SLC5A1: variants seen among roughly 807,000 people sequenced by gnomAD.
SLC5A1 encodes the protein solute carrier family 5 member 1.
Under a neutral mutation model 73.5 loss-of-function variants are expected in SLC5A1, and 42 were observed. The ratio of observed to expected loss-of-function variants is 0.57; its 90% CI spans 0.45 to 0.74. The LOEUF is 0.74. Ranked by LOEUF, SLC5A1 falls within the 30% of genes least tolerant of loss-of-function variation. The probability of loss-of-function intolerance (pLI) is 0.00; values close to 1 mark genes in which losing one functional copy is unlikely to be tolerated. For synonymous variants in SLC5A1, 300 were observed against 317.4 expected (o/e 0.95, Z 0.58); for missense variants, 634 against 855.4 (o/e 0.74, Z 3.23).
intron 2 of SLC5A1, chr22:32,059,381 T>C: frequency 1.0e-6 from 1 of 977,940 alleles, no homozygotes. Flanking sequence ...CTCTGGATGG[T>C]GTCAGTGGAG....
At chr22:32,049,185 AT>A (rs569799765) in intron 1 of SLC5A1, among the ~76,000 whole-genome samples, 2 of 29,228 alleles carry the variant, frequency 6.8e-5, no homozygotes, top group Non-Finnish European at 2.7e-4. Context: ...ATCTATATCT[AT>A]ATCTATATCT....
intron 2 of SLC5A1, among the ~76,000 whole-genome samples, chr22:32,065,134 G>A (rs2093970600): frequency 6.6e-6 from 1 of 151,908 alleles, no homozygotes; most frequent in African/African-American, 2.4e-5. Context: ...TTTTGTAGTG[G>A]CCGGGTCTCA....
At chr22:32,091,060 T>C (rs551588029) in intron 10 of SLC5A1, among the ~76,000 whole-genome samples, 54 of 152,266 alleles carry the variant, frequency 3.5e-4, no homozygotes, top group Non-Finnish European at 6.5e-4. Flanking sequence ...TCAGATCCTT[T>C]GGCATTTTAA....
rs1419916503 is a variant in SLC5A1, at chr22:32,043,449, G to A, written c.135+33G>A. Reference sequence around the variant, plus strand: ...GCGGGTTCTGGGATGCGGGTGGGGAGGGTGCGCACAGAGGAGGAGCAATGG... The same window carrying A: ...GCGGGTTCTGGGATGCGGGTGGGGAAGGTGCGCACAGAGGAGGAGCAATGG... On this transcript the variant is annotated intron_variant, in intron 1 of 14. Coordinates refer to ENST00000266088, the MANE Select transcript of SLC5A1 (RefSeq NM_000343.4). This position sits in a 1 kb window ranked among gnomAD's most constrained non-coding sequence, Gnocchi z 6.5. 2 of 1,611,760 alleles carry A rather than the reference G, an allele frequency of 1.2e-6. No homozygotes were observed. Among genetic ancestry groups the A allele is most frequent in the Non-Finnish European group, 8.5e-7 (1 of 1,178,852 alleles).
chr22:32,077,236 C>T (rs1160379220), intron 5 of SLC5A1, among the ~76,000 whole-genome samples: 8 of 145,546 alleles, frequency 5.5e-5, no homozygotes, highest in Non-Finnish European at 7.8e-5. Context: ...CCTTCCTTCC[C>T]TCCCTCCCTT....
At chr22:32,088,554 G>A (rs577970711) in intron 10 of SLC5A1, among the ~76,000 whole-genome samples, 2 of 152,108 alleles carry the variant, frequency 1.3e-5, no homozygotes, top group African/African-American at 4.8e-5. Context: ...GGCCACGCTG[G>A]TCTCAAACTC....
intron 2 of SLC5A1, among the ~76,000 whole-genome samples, chr22:32,052,114 C>T (rs2093945861): frequency 1.3e-5 from 2 of 152,140 alleles, no homozygotes; most frequent in South Asian, 4.1e-4. Flanking sequence ...GGGTTGCCCA[C>T]GTTTACACAA....
intron 5 of SLC5A1, among the ~76,000 whole-genome samples, chr22:32,077,992 C>T (rs891214587): frequency 6.6e-6 from 1 of 152,186 alleles, no homozygotes; most frequent in Non-Finnish European, 1.5e-5. Context: ...ATATTTTGGC[C>T]TTGCTCAAAT....
intron 2 of SLC5A1, among the ~76,000 whole-genome samples, chr22:32,060,273 C>T (rs1044500760): frequency 2.0e-5 from 3 of 151,926 alleles, no homozygotes; most frequent in Non-Finnish European, 4.4e-5. Flanking sequence ...CTCACTGCAA[C>T]CTCTGCCTCC....
At chr22:32,086,154 G>C in intron 9 of SLC5A1, 66 bp from the exon 10 acceptor site, 3 of 936,078 alleles carry the variant, frequency 3.2e-6, no homozygotes, top group East Asian at 2.5e-5. Flanking sequence ...AAAAAAAAAA[G>C]AAGGTGAATT....
At chr22:32,073,675 G>A (rs2093986262) in intron 5 of SLC5A1, among the ~76,000 whole-genome samples, 1 of 152,034 alleles carries the variant, frequency 6.6e-6, no homozygotes, top group Admixed American at 6.5e-5. Context: ...TCCTGCCTCA[G>A]CCTCCTGAGT....
At chr22:32,053,509 A>T (rs1277964041) in intron 2 of SLC5A1, among the ~76,000 whole-genome samples, 1 of 151,862 alleles carries the variant, frequency 6.6e-6, no homozygotes, top group Non-Finnish European at 1.5e-5. Context: ...TGATTAATAC[A>T]CAACCACTCA....
Position 32,077,426 on chromosome 22 carries a change from TC to T in SLC5A1, c.478-4435del, listed in dbSNP as rs2093992880. On this transcript the variant is annotated intron_variant, in intron 5 of 14. Coordinates refer to ENST00000266088, the MANE Select transcript of SLC5A1 (RefSeq NM_000343.4). ...CCTTTCCTTTCCCTCCCTCCATCCT[TC>T]CCCCTACTCTCTTTTAAGGGCTAAC... is the stretch of plus-strand genomic sequence containing the variant. Among the ~76,000 whole-genome samples, 4 of 151,104 alleles carry T rather than the reference TC, an allele frequency of 2.6e-5. No homozygotes were observed. In the South Asian group the frequency reaches 8.5e-4, roughly 32 times the overall value.
At chr22:32,059,327 G>A (rs1192155420) in intron 2 of SLC5A1, 1 of 985,544 alleles carries the variant, frequency 1.0e-6, no homozygotes, top group Non-Finnish European at 1.2e-6. Flanking sequence ...CAGGAGAGGG[G>A]AACAGACAAC....
At chr22:32,080,445 G>C (rs1341382419) in intron 5 of SLC5A1, among the ~76,000 whole-genome samples, 2 of 152,188 alleles carry the variant, frequency 1.3e-5, no homozygotes, top group Non-Finnish European at 2.9e-5. Flanking sequence ...GGACAGGCAG[G>C]TATGGTGGGA....
At chr22:32,047,913 C>A (rs941915379) in intron 1 of SLC5A1, among the ~76,000 whole-genome samples, 1 of 152,116 alleles carries the variant, frequency 6.6e-6, no homozygotes. Flanking sequence ...GTAATCCCAG[C>A]ACTTTCGGAA....
At chr22:32,092,585 T>C (rs1205335807) in intron 11 of SLC5A1, among the ~76,000 whole-genome samples, 1 of 152,228 alleles carries the variant, frequency 6.6e-6, no homozygotes, top group Non-Finnish European at 1.5e-5. Context: ...AAAGTGTTCT[T>C]TTCACCACAT....
chr22:32,107,055 T>C (rs999950514), intron 14 of SLC5A1, among the ~76,000 whole-genome samples: 2 of 152,208 alleles, frequency 1.3e-5, no homozygotes, highest in African/African-American at 2.4e-5. Context: ...TGTTACAATC[T>C]GCTCTTGATC....
chr22:32,062,763 C>CA (rs2093965416), intron 2 of SLC5A1, among the ~76,000 whole-genome samples: 1 of 152,222 alleles, frequency 6.6e-6, no homozygotes, highest in East Asian at 1.9e-4. Context: ...GGGAAATTGG[C>CA]ATGATGAACG....
Sources: gnomAD v4.1 joint callset for allele counts (sites outside exome capture counted in the v4.1 genomes callset) on GRCh38, gnomAD v4.1.1 for gene constraint, Gnocchi (gnomAD v3.1) non-coding constraint, MANE v1.5 for transcripts, NCBI Gene and HGNC (gene_info 2026-07-23, HGNC 2026-07-21) for gene names.